The following DAB1 variants were observed in gnomAD, a reference collection of about 807,000 sequenced individuals.
DAB1 encodes disabled homolog 1.
A neutral mutation model predicts 64.6 loss-of-function variants in DAB1; 15 were observed. That is an observed-to-expected ratio of 0.23 (90% CI 0.16 to 0.36). The LOEUF (loss-of-function observed/expected upper bound fraction) is 0.36, where lower values mean the gene tolerates loss of function less well. DAB1 is among the 10% of genes least tolerant of loss of function. The pLI, the probability that DAB1 is intolerant of heterozygous loss-of-function variation, is 1.00. For synonymous variants in DAB1, 235 were observed against 251.9 expected (o/e 0.93, Z 0.64); for missense variants, 596 against 706.7 (o/e 0.84, Z 1.78).
upstream of DAB1, among the ~76,000 whole-genome samples, chr1:57,427,133 G>C (rs891541342): frequency 6.6e-6 from 1 of 152,150 alleles, no homozygotes; most frequent in Non-Finnish European, 1.5e-5. Flanking sequence ...AAAGTGCTGG[G>C]ATTACAGGCG....
chr1:57,440,518 GAGGAA>G (rs1322464290), intron 7 of DAB1, among the ~76,000 whole-genome samples: 2 of 152,130 alleles, frequency 1.3e-5, no homozygotes, highest in African/African-American at 4.8e-5. Context: ...ACTGAGCAAA[GAGGAA>G]AGGAAGGAAG....
intron 4 of DAB1, among the ~76,000 whole-genome samples, chr1:58,183,507 G>GA (rs1656907809): frequency 6.6e-6 from 1 of 152,126 alleles, no homozygotes; most frequent in Non-Finnish European, 1.5e-5. Context: ...GTTGACTTGT[G>GA]ACTTGCAACC....
At chr1:58,407,636 T>C (rs1305604470) in intron 3 of DAB1, among the ~76,000 whole-genome samples, 1 of 152,046 alleles carries the variant, frequency 6.6e-6, no homozygotes, top group Non-Finnish European at 1.5e-5. Flanking sequence ...CACATGTCAA[T>C]AGTGCTGAGG....
chr1:57,005,804 C>T (rs1313759639), intron 14 of DAB1, among the ~76,000 whole-genome samples: 1 of 152,146 alleles, frequency 6.6e-6, no homozygotes, highest in Non-Finnish European at 1.5e-5. Context: ...GTTAAACTCT[C>T]TACCTTGTCT....
At chr1:57,367,078 TA>T (rs113640682) in intron 1 of DAB1, among the ~76,000 whole-genome samples, 3 of 90,204 alleles carry the variant, frequency 3.3e-5, no homozygotes, top group East Asian at 2.2e-4. Context: ...TAAAATAAAA[TA>T]AAATAAAATA....
At chr1:57,077,329 AC>A (rs774719763) in intron 4 of DAB1, among the ~76,000 whole-genome samples, 25 of 152,036 alleles carry the variant, frequency 1.6e-4, no homozygotes, top group Admixed American at 6.6e-5. Flanking sequence ...TCTCAATCTT[AC>A]CCCCGCTCCT....
intron 5 of DAB1, among the ~76,000 whole-genome samples, chr1:58,126,571 G>A (rs1653105873): frequency 1.3e-5 from 2 of 151,308 alleles, no homozygotes; most frequent in South Asian, 2.1e-4. Context: ...TCGTCATCTA[G>A]CATTAGGTAT....
At chr1:57,002,969 T>C (rs527900157) in intron 14 of DAB1, among the ~76,000 whole-genome samples, 1 of 152,386 alleles carries the variant, frequency 6.6e-6, no homozygotes, top group African/African-American at 2.4e-5. Context: ...AGGTCCCTTA[T>C]GTCTGGGAGT....
chr1:57,408,348 C>T (rs1424872621), intron 1 of DAB1, among the ~76,000 whole-genome samples: 1 of 152,164 alleles, frequency 6.6e-6, no homozygotes, highest in Non-Finnish European at 1.5e-5. Context: ...AATAGCCCTA[C>T]CCGGGTTTGA....
chr1:57,483,087 A>G (rs1644044357), intron 7 of DAB1, among the ~76,000 whole-genome samples: 1 of 152,236 alleles, frequency 6.6e-6, no homozygotes, highest in African/African-American at 2.4e-5. Context: ...CAATAATCTC[A>G]ACGTAAAAAT....
At chr1:58,305,252 C>T (rs956391147) in intron 4 of DAB1, among the ~76,000 whole-genome samples, 2 of 152,134 alleles carry the variant, frequency 1.3e-5, no homozygotes, top group African/African-American at 4.8e-5. Context: ...GTTCTTTGAA[C>T]TGAAATGTCT....
chr1:57,143,113 T>A (rs1335903532), intron 3 of DAB1, among the ~76,000 whole-genome samples: 1 of 152,128 alleles, frequency 6.6e-6, no homozygotes, highest in African/African-American at 2.4e-5. Context: ...TCTGTGCAAT[T>A]TGCCTGCTGA....
In DAB1 at chr1:57,357,602, A is replaced by T. The variant is rs1328854214; in HGVS notation, c.-137+66328T>A. ...TCAGATAGTTCACTATTAGCATGTG[A>T]ATTTGTCATGCTGCTACGAAGAAAT... is the stretch of plus-strand genomic sequence containing the variant. On this transcript the variant is annotated intron_variant, in intron 1 of 14. Transcript: ENST00000371236. Among the ~76,000 whole-genome samples the T allele has an allele frequency of 4.8e-5, 7 of 146,608 alleles. No individual in the cohort carries two copies. The Admixed American group carries it at 4.9e-4, about 10-fold the overall frequency.
At chr1:57,113,386 G>A (rs1367353186) in intron 4 of DAB1, among the ~76,000 whole-genome samples, 1 of 152,164 alleles carries the variant, frequency 6.6e-6, no homozygotes, top group Non-Finnish European at 1.5e-5. Flanking sequence ...TGGGGAAATT[G>A]AGGTACAAAG....
At chr1:57,187,982 A>C (rs1557897215) in intron 2 of DAB1, among the ~76,000 whole-genome samples, 1 of 152,162 alleles carries the variant, frequency 6.6e-6, no homozygotes, top group East Asian at 1.9e-4. Flanking sequence ...GGATGCAGCA[A>C]TCCCCTCCCC....
At chr1:58,063,384 G>C (rs1648631933) in intron 5 of DAB1, among the ~76,000 whole-genome samples, 1 of 152,128 alleles carries the variant, frequency 6.6e-6, no homozygotes, top group South Asian at 2.1e-4. Context: ...TGTTTCACAG[G>C]AGCAAGGATC....
intron 5 of DAB1, among the ~76,000 whole-genome samples, chr1:58,047,457 C>G (rs1647312118): frequency 6.6e-6 from 1 of 152,148 alleles, no homozygotes; most frequent in Non-Finnish European, 1.5e-5. Context: ...GGTGGATGTA[C>G]AGGTGAGTGG....
At chr1:58,195,094 A>C (rs766510351) in intron 4 of DAB1, among the ~76,000 whole-genome samples, 28 of 152,080 alleles carry the variant, frequency 1.8e-4, no homozygotes, top group Non-Finnish European at 3.2e-4. Context: ...AAAGGGCAAA[A>C]ATATGAAGAG....
chr1:57,222,684 T>C (rs1326498397), intron 2 of DAB1, among the ~76,000 whole-genome samples: 1 of 152,210 alleles, frequency 6.6e-6, no homozygotes, highest in Non-Finnish European at 1.5e-5. Flanking sequence ...GTTCACATAC[T>C]GTCTTTCTAT....
Sources: gnomAD v4.1 joint callset for allele counts (sites outside exome capture counted in the v4.1 genomes callset) on GRCh38, gnomAD v4.1.1 for gene constraint, MANE v1.5 for transcripts, NCBI Gene and HGNC (gene_info 2026-07-23, HGNC 2026-07-21) for gene names.